The following DNAI4 variants were observed in gnomAD, a reference collection of about 807,000 sequenced individuals.
The protein encoded by DNAI4 is dynein axonemal intermediate chain 4.
In DNAI4, 85 loss-of-function variants were observed where a neutral mutation model predicts 105.8. That is an observed-to-expected ratio of 0.80 (90% CI 0.67 to 0.96). The LOEUF (loss-of-function observed/expected upper bound fraction) is 0.96, where lower values mean the gene tolerates loss of function less well. DNAI4 is among the 40% of genes least tolerant of loss of function. DNAI4 has a pLI of 0.00. For missense variants in DNAI4, 1,014 were observed against 1,005.6 expected, an observed-to-expected ratio of 1.01 and a Z score of -0.11; for synonymous variants, 352 against 331.5, an observed-to-expected ratio of 1.06 and a Z score of -0.67.
chr1:66,828,529 C>G (rs921394989), intron 13 of DNAI4: 2 of 152,094 alleles, frequency 1.3e-5, no homozygotes, highest in Non-Finnish European at 2.9e-5. Context: ...ATGTGAATAT[C>G]AATAAGGTGG....
intron 10 of DNAI4, 110 bp downstream of exon 10, chr1:66,837,600 T>G: frequency 8.0e-7 from 1 of 1,256,080 alleles, no homozygotes; most frequent in South Asian, 1.5e-5. Flanking sequence ...AAAATAGTCT[T>G]GATTGATAAA....
chr1:66,893,170 T>C, intron 3 of DNAI4, 59 bp downstream of exon 3: 1 of 1,010,990 alleles, frequency 9.9e-7, no homozygotes, highest in Non-Finnish European at 1.3e-6. Flanking sequence ...CATTTGCAAT[T>C]TAAATGGAAA....
At chr1:66,836,988 T>A (rs1646039136) in intron 10 of DNAI4, among the ~76,000 whole-genome samples, 1 of 152,228 alleles carries the variant, frequency 6.6e-6, no homozygotes, top group African/African-American at 2.4e-5. Flanking sequence ...GAAGGTCAGA[T>A]AAATCTATTT....
At chr1:66,831,817 G>T (rs1201087616) in intron 13 of DNAI4, among the ~76,000 whole-genome samples, 1 of 152,162 alleles carries the variant, frequency 6.6e-6, no homozygotes, top group African/African-American at 2.4e-5. Flanking sequence ...AGGTTAGAAA[G>T]AAAGAAGTAA....
intron 6 of DNAI4, 74 bp downstream of exon 6, chr1:66,871,296 C>T: frequency 7.4e-7 from 1 of 1,350,472 alleles, no homozygotes; most frequent in East Asian, 2.4e-5. Context: ...TTTCAATATT[C>T]ACTTGTCGAT....
chr1:66,913,626 T>C (rs1649826910), intron 1 of DNAI4, among the ~76,000 whole-genome samples: 1 of 152,128 alleles, frequency 6.6e-6, no homozygotes, highest in African/African-American at 2.4e-5. Context: ...TAAGGGCTAA[T>C]GACCCAGCAT....
intron 2 of DNAI4, among the ~76,000 whole-genome samples, chr1:66,897,021 C>T (rs1456021980): frequency 6.7e-6 from 1 of 149,046 alleles, no homozygotes; most frequent in Non-Finnish European, 1.5e-5. Context: ...AAGGGTGATT[C>T]TGGTGAGGGC....
chr1:66,835,692 T>C lies in DNAI4; in HGVS notation c.1667A>G (p.Tyr556Cys). 11 of 1,614,128 alleles carry C rather than the reference T, an allele frequency of 6.8e-6. No individual in the cohort carries two copies. Among genetic ancestry groups the C allele is most frequent in the Non-Finnish European group, 9.3e-6 (11 of 1,179,954 alleles). ...IGAPNLLAVG[Y>C]HNGTIAIYNV... ...GTAAATTGCAATTGTGCCATTGTGA[T>C]AGCCAACGGCTAAAAGGTTAGGTGC... Residue 556 changes from tyrosine (Y) to cysteine (C), a missense_variant, in exon 11 of 17, where the codon TAT (tyrosine) becomes TGT (cysteine). Tyr to Cys is a radical substitution (Grantham distance 194). Transcript: ENST00000371026.
rs1271927508 is a variant in DNAI4, at chr1:66,836,316, GA to G, written c.1582-540del. ...AGAAAGAAAGAAAGAAAGAAAGAAA[GA>G]AAGAAAGAAGGAAAGAGGGAAGGAA... On this transcript the variant is annotated intron_variant, in intron 10 of 16. Transcript: ENST00000371026. Among the ~76,000 whole-genome samples the G allele has an allele frequency of 5.0e-3, 724 of 144,270 alleles. 12 individuals are homozygous for G. The highest frequency in any genetic ancestry group is 0.014 in the African/African-American group (542 of 38,886). 94.6% of individuals were successfully genotyped at this position (144,270 alleles called of 152,430 possible). A position where few individuals can be genotyped will look rare whatever the true frequency, so the allele number is the denominator to read the frequency against.
intron 4 of DNAI4, among the ~76,000 whole-genome samples, chr1:66,883,339 G>A (rs563394367): frequency 3.9e-5 from 6 of 152,076 alleles, no homozygotes; most frequent in Admixed American, 6.5e-5. Flanking sequence ...GTGCAATGGC[G>A]CAATCTGGGC....
chr1:66,819,770 T>C (rs568882631), intron 16 of DNAI4, among the ~76,000 whole-genome samples: 3 of 152,114 alleles, frequency 2.0e-5, no homozygotes, highest in Admixed American at 6.5e-5. Context: ...CACCACTATC[T>C]CCAACACACA....
At chr1:66,832,833 G>C (rs1291416606) in intron 13 of DNAI4, among the ~76,000 whole-genome samples, 1 of 151,890 alleles carries the variant, frequency 6.6e-6, no homozygotes, top group African/African-American at 2.4e-5. Flanking sequence ...AAAAAACAAA[G>C]TATCTCCAGA....
At chr1:66,894,623 T>C (rs1231018791) in intron 2 of DNAI4, among the ~76,000 whole-genome samples, 1 of 152,172 alleles carries the variant, frequency 6.6e-6, no homozygotes, top group African/African-American at 2.4e-5. Flanking sequence ...ATACCCAGAA[T>C]TAATTTTATA....
chr1:66,892,779 G>T (rs952902079), intron 3 of DNAI4, among the ~76,000 whole-genome samples: 1 of 150,844 alleles, frequency 6.6e-6, no homozygotes. Context: ...TAGTGGGGGG[G>T]CGCCTGTAAT....
At chr1:66,835,465 A>T (rs1454021538) in intron 11 of DNAI4, among the ~76,000 whole-genome samples, 161 bp downstream of exon 11, 1 of 152,204 alleles carries the variant, frequency 6.6e-6, no homozygotes, top group Non-Finnish European at 1.5e-5. Flanking sequence ...AGGACAGACC[A>T]TTCCAGCTGG....
rs567792462 is a variant in DNAI4 at position 66,857,684 on chromosome 1, A to G, written c.1096+4463T>C. 1.1e-3 allele frequency among the ~76,000 whole-genome samples: 168 copies of G among 152,036 alleles called. 1 individual carries two copies. Among genetic ancestry groups the G allele is most frequent in the African/African-American group, 4.0e-3 (166 of 41,436 alleles). On this transcript the variant is annotated intron_variant, in intron 7 of 16. Coordinates refer to ENST00000371026, the MANE Select transcript of DNAI4 (RefSeq NM_024763.5). ...CGAATAGCTGGGATTACAGGCATGA[A>G]CCACAACGCCCGGCTGATTTTGAAT... is the stretch of plus-strand genomic sequence containing the variant.
intron 4 of DNAI4, among the ~76,000 whole-genome samples, chr1:66,877,143 C>G (rs1646975075): frequency 6.6e-6 from 1 of 152,134 alleles, no homozygotes; most frequent in Non-Finnish European, 1.5e-5. Context: ...ACCTATGAAG[C>G]CTTCCTTGGC....
chr1:66,924,561 G>C (rs781041867), intron 1 of DNAI4, 101 bp downstream of exon 1: 1 of 1,525,062 alleles, frequency 6.6e-7, no homozygotes, highest in African/African-American at 1.4e-5. Flanking sequence ...AACCCAGTTA[G>C]GGTAGGGCCC....
rs150013115 is a variant in DNAI4 at position 66,826,440 on chromosome 1, A to G, written c.2339+380T>C. ...CAGGCTTCCAAGTAGCTGGAACTAC[A>G]GGTGCATGCCACCACACCTGGCTAG... On this transcript the variant is annotated intron_variant, in intron 15 of 16. Transcript: ENST00000371026. Among the ~76,000 whole-genome samples the G allele has an allele frequency of 1.0e-2, 1,522 of 152,202 alleles. 14 individuals carry two copies. The highest frequency in any genetic ancestry group is 0.016 in the Non-Finnish European group (1,105 of 68,014).
Sources: allele counts gnomAD v4.1 joint callset (sites outside exome capture counted in the v4.1 genomes callset), GRCh38; gene constraint gnomAD v4.1.1; transcripts MANE v1.5; gene names NCBI Gene and HGNC (gene_info 2026-07-23, HGNC 2026-07-21).